DMXL2: variants seen among roughly 807,000 people sequenced by gnomAD.
The protein encoded by DMXL2 is dmX-like protein 2.
In DMXL2, 103 loss-of-function variants were observed where a neutral mutation model predicts 331.1. The ratio of observed to expected loss-of-function variants is 0.31; its 90% CI spans 0.27 to 0.37. The LOEUF (loss-of-function observed/expected upper bound fraction) is 0.37. Among genes scored for constraint, DMXL2 ranks in the 10% least tolerant of loss-of-function variants. The probability of loss-of-function intolerance (pLI) is 1.00; values close to 1 mark genes in which losing one functional copy is unlikely to be tolerated. For missense variants in DMXL2, 3,171 were observed against 3,642.9 expected, an observed-to-expected ratio of 0.87 and a Z score of 3.33; for synonymous variants, 1,281 against 1,252.1, an observed-to-expected ratio of 1.02 and a Z score of -0.49.
In DMXL2 at chr15:51,471,485, T is replaced by A. The variant is rs545287179; in HGVS notation, c.7214-84A>T. 2.3e-4 allele frequency: 305 copies of A among 1,322,112 alleles called. 2 individuals carry two copies. In the African/African-American group the frequency reaches 4.0e-3, roughly 17 times the overall value. The allele number at this position is 1,322,112 out of a possible 1,614,324, so 81.9% of individuals were successfully genotyped here. On this transcript the variant is annotated intron_variant, in intron 28 of 43. Coordinates refer to ENST00000560891, the MANE Select transcript of DMXL2 (RefSeq NM_001378457.1). ...GAGTTAAGCTTTCTTTTTATCCTAC[T>A]CTTGCCATGTTTTGGTCTAAACTAA... is the stretch of plus-strand genomic sequence containing the variant.
intron 1 of DMXL2, among the ~76,000 whole-genome samples, chr15:51,602,571 A>G (rs1395845330): frequency 6.6e-6 from 1 of 152,160 alleles, no homozygotes. Context: ...CAACTCAACA[A>G]ACTTGCTTGT....
At chr15:51,528,413 A>G (rs1249465374) in intron 13 of DMXL2, among the ~76,000 whole-genome samples, 2 of 152,162 alleles carry the variant, frequency 1.3e-5, no homozygotes, top group Non-Finnish European at 2.9e-5. Context: ...ACCAAAAAAG[A>G]GCAGGAATAG....
chr15:51,622,102 A>C (rs996426447), intron 1 of DMXL2, among the ~76,000 whole-genome samples: 1 of 151,842 alleles, frequency 6.6e-6, no homozygotes, highest in South Asian at 2.1e-4. Flanking sequence ...CGCCGAGAGC[A>C]GCTGCGAAAC....
chr15:51,582,365 A>C (rs1314486156), intron 1 of DMXL2, among the ~76,000 whole-genome samples: 1 of 152,156 alleles, frequency 6.6e-6, no homozygotes, highest in African/African-American at 2.4e-5. Flanking sequence ...TCTGTTGCTC[A>C]AATTTTTTGC....
intron 33 of DMXL2, 72 bp from the exon 34 acceptor site, chr15:51,459,732 T>G: frequency 7.8e-7 from 1 of 1,278,516 alleles, no homozygotes; most frequent in Non-Finnish European, 1.0e-6. Flanking sequence ...GTGAAATATT[T>G]CAAGCTGAAA....
intron 16 of DMXL2, 106 bp from the exon 17 acceptor site, chr15:51,503,139 T>C (rs1256536820): frequency 3.6e-6 from 3 of 825,416 alleles, no homozygotes; most frequent in Non-Finnish European, 5.6e-6. Context: ...TTCTTAAAAG[T>C]ATTTTGGAGG....
At chr15:51,572,273 T>C in intron 2 of DMXL2, among the ~76,000 whole-genome samples, 1 of 128,580 alleles carries the variant, frequency 7.8e-6, no homozygotes, top group Non-Finnish European at 1.8e-5. Flanking sequence ...TAAGAGGTTC[T>C]GAAATTGAGG....
At chr15:51,472,346 C>T (rs533903835) in intron 28 of DMXL2, among the ~76,000 whole-genome samples, 4 of 152,236 alleles carry the variant, frequency 2.6e-5, no homozygotes, top group Non-Finnish European at 4.4e-5. Flanking sequence ...TAGGATGAAC[C>T]ACTATTATTT....
rs557492675 is a variant in DMXL2 at position 51,461,454 on chromosome 15, T to C, written c.7927-1794A>G. 5.9e-5 allele frequency among the ~76,000 whole-genome samples: 9 copies of C among 152,354 alleles called. No homozygotes were observed. The East Asian group carries it at 1.7e-3, about 29-fold the overall frequency. On this transcript the variant is annotated intron_variant, in intron 33 of 43. Coordinates refer to ENST00000560891, the MANE Select transcript of DMXL2 (RefSeq NM_001378457.1). ...ACCAATACTTAAAACATACTTGTGA[T>C]AAATCATTAATTTTAATAATTTGAA...
At chr15:51,480,216 T>TAAACA in intron 24 of DMXL2, 77 bp from the exon 25 acceptor site, 2 of 1,343,328 alleles carry the variant, frequency 1.5e-6, no homozygotes, top group South Asian at 3.2e-5. Flanking sequence ...ATACTGGTGA[T>TAAACA]AAACATTGTG....
At chr15:51,568,155 G>C (rs2050415550) in intron 3 of DMXL2, 2 of 218,978 alleles carry the variant, frequency 9.1e-6, no homozygotes, top group South Asian at 1.8e-4. Context: ...CTCCTCTGTT[G>C]AGAACAGACA....
intron 36 of DMXL2, chr15:51,457,772 T>A (rs2039297412): frequency 8.3e-6 from 2 of 240,566 alleles, no homozygotes; most frequent in Admixed American, 5.2e-5. Context: ...TAGCTCAGTA[T>A]CAAATTAACA....
At position 51,487,972 on chromosome 15, in the gene DMXL2, T is replaced by G. The variant is rs770657077; in HGVS notation, c.5199A>C (p.Ser1733=). ...QSAAFFLLAG[S]LKDAIEVCLE... ...TTTATACCTCTATGGCATCTTTCAA[T>G]GAACCAGCTAGCAAGAAAAAAGCAG... Residue 1733 remains serine (S), a synonymous_variant, in exon 22 of 44, where the codon TCA becomes TCC. Coordinates refer to ENST00000560891, the MANE Select transcript of DMXL2 (RefSeq NM_001378457.1). 3.1e-6 allele frequency: 5 copies of G among 1,609,666 alleles called. No homozygotes were observed. Among genetic ancestry groups the G allele is most frequent in the Non-Finnish European group, 4.2e-6 (5 of 1,178,580 alleles).
At chr15:51,458,826 C>G in intron 34 of DMXL2, 31 bp from the exon 35 acceptor site, 1 of 1,575,802 alleles carries the variant, frequency 6.3e-7, no homozygotes. Flanking sequence ...GTTTTAGTTG[C>G]TGCAGCACAG....
chr15:51,556,081 C>A (rs987824344), intron 6 of DMXL2, among the ~76,000 whole-genome samples: 1 of 151,714 alleles, frequency 6.6e-6, no homozygotes, highest in African/African-American at 2.4e-5. Flanking sequence ...CGGTGGCTCA[C>A]GCCTGTAATC....
At chr15:51,530,722 T>C (rs2047953181) in intron 13 of DMXL2, among the ~76,000 whole-genome samples, 1 of 152,082 alleles carries the variant, frequency 6.6e-6, no homozygotes, top group African/African-American at 2.4e-5. Flanking sequence ...ACCACTGCAC[T>C]CCAGCCTGGG....
chr15:51,463,582 C>T (rs949434299), intron 32 of DMXL2, 86 bp from the exon 33 acceptor site: 1 of 759,982 alleles, frequency 1.3e-6, no homozygotes, highest in East Asian at 2.9e-5. Flanking sequence ...AAAACCTTCA[C>T]AATCTATTGC....
intron 1 of DMXL2, among the ~76,000 whole-genome samples, chr15:51,591,564 C>T (rs1273363692): frequency 6.6e-6 from 1 of 152,210 alleles, no homozygotes; most frequent in Non-Finnish European, 1.5e-5. Flanking sequence ...GTCCGTCTGA[C>T]AGCCTTGAAG....
chr15:51,470,112 C>G (rs2040959645), intron 29 of DMXL2, among the ~76,000 whole-genome samples: 1 of 152,104 alleles, frequency 6.6e-6, no homozygotes, highest in South Asian at 2.1e-4. Flanking sequence ...GTTCTGAGAC[C>G]ACACTTTGAG....
Sources: gnomAD v4.1 joint callset for allele counts (sites outside exome capture counted in the v4.1 genomes callset) on GRCh38, gnomAD v4.1.1 for gene constraint, MANE v1.5 for transcripts, NCBI Gene and HGNC (gene_info 2026-07-23, HGNC 2026-07-21) for gene names.